ZNF804A: variants seen among roughly 807,000 people sequenced by gnomAD.
ZNF804A encodes the protein zinc finger protein 804A.
A neutral mutation model predicts 16.5 loss-of-function variants in ZNF804A; 2 were observed. The observed-to-expected ratio is 0.12, with a 90% CI of 0.05 to 0.38. The LOEUF is 0.38. ZNF804A is among the 10% of genes least tolerant of loss of function. The pLI is 0.99. For synonymous variants in ZNF804A, 534 were observed against 489.6 expected, an observed-to-expected ratio of 1.09 and a Z score of -1.20; for missense variants, 1,473 against 1,390.7, an observed-to-expected ratio of 1.06 and a Z score of -0.94.
At chr2:184,706,457 AACTT>A (rs1185008980) in intron 1 of ZNF804A, among the ~76,000 whole-genome samples, 5 of 152,188 alleles carry the variant, frequency 3.3e-5, no homozygotes, top group Admixed American at 6.5e-5. Context: ...TTCATCATGT[AACTT>A]ACTTGTTAGT....
At chr2:184,705,975 CT>C (rs1157465004) in intron 1 of ZNF804A, among the ~76,000 whole-genome samples, 5 of 152,102 alleles carry the variant, frequency 3.3e-5, no homozygotes, top group African/African-American at 9.7e-5. Flanking sequence ...CTGCTATTCA[CT>C]TGATTATTAA....
intron 1 of ZNF804A, among the ~76,000 whole-genome samples, chr2:184,804,761 T>A (rs1694777965): frequency 6.6e-6 from 1 of 151,932 alleles, no homozygotes; most frequent in Non-Finnish European, 1.5e-5. Context: ...ACTCAGAAAA[T>A]CTATGGGGAA....
At chr2:184,899,539 T>C (rs935474861) in intron 2 of ZNF804A, among the ~76,000 whole-genome samples, 4 of 151,978 alleles carry the variant, frequency 2.6e-5, no homozygotes, top group African/African-American at 9.7e-5. Context: ...TTTTTCTAAG[T>C]AGAAAATGTT....
At chr2:184,870,301 G>A (rs1695956070) in intron 2 of ZNF804A, among the ~76,000 whole-genome samples, 1 of 151,926 alleles carries the variant, frequency 6.6e-6, no homozygotes, top group African/African-American at 2.4e-5. Flanking sequence ...TGACACTCAG[G>A]ATAGTGGTTA....
At chr2:184,836,283 A>G (rs1408890107) in intron 1 of ZNF804A, among the ~76,000 whole-genome samples, 1 of 152,106 alleles carries the variant, frequency 6.6e-6, no homozygotes, top group Admixed American at 6.6e-5. Flanking sequence ...GCCTGTTACT[A>G]AAAGCAAGCA....
intron 1 of ZNF804A, among the ~76,000 whole-genome samples, chr2:184,758,221 G>T (rs1002931850): frequency 7.2e-5 from 11 of 151,852 alleles, no homozygotes; most frequent in Non-Finnish European, 1.2e-4. Context: ...ATATTTATTA[G>T]TTTTATGACA....
intron 2 of ZNF804A, among the ~76,000 whole-genome samples, chr2:184,878,611 C>T (rs1684754493): frequency 6.6e-6 from 1 of 151,990 alleles, no homozygotes; most frequent in African/African-American, 2.4e-5. Flanking sequence ...TCTCAAAAAA[C>T]TTGTCAGTAA....
intron 1 of ZNF804A, among the ~76,000 whole-genome samples, chr2:184,747,550 C>T (rs1035998775): frequency 1.0e-4 from 15 of 150,618 alleles, no homozygotes; most frequent in African/African-American, 2.7e-4. Context: ...TTAATATAAG[C>T]GGAAATAAAA....
At chr2:184,611,899 G>A (rs1574130885) in intron 1 of ZNF804A, among the ~76,000 whole-genome samples, 1 of 152,284 alleles carries the variant, frequency 6.6e-6, no homozygotes, top group African/African-American at 2.4e-5. Context: ...TTAGTCACAT[G>A]TGATACATGG....
intron 1 of ZNF804A, among the ~76,000 whole-genome samples, chr2:184,787,503 T>C (rs1439645784): frequency 6.9e-6 from 1 of 145,000 alleles, no homozygotes; most frequent in Non-Finnish European, 1.5e-5. Context: ...TTTCTCTGCA[T>C]ACCCACCAAC....
chr2:184,926,879 A>G (rs1219401637), intron 2 of ZNF804A, among the ~76,000 whole-genome samples: 1 of 152,132 alleles, frequency 6.6e-6, no homozygotes, highest in African/African-American at 2.4e-5. Flanking sequence ...TCTTTGTTAA[A>G]TTTAGCTTGT....
chr2:184,789,065 C>T (rs761088801), intron 1 of ZNF804A, among the ~76,000 whole-genome samples: 52 of 152,002 alleles, frequency 3.4e-4, no homozygotes, highest in Admixed American at 1.4e-3. Flanking sequence ...TGGATGTTAT[C>T]GAATGGTTTT....
At chr2:184,734,403 A>G (rs1374374699) in intron 1 of ZNF804A, among the ~76,000 whole-genome samples, 1 of 152,214 alleles carries the variant, frequency 6.6e-6, no homozygotes, top group Non-Finnish European at 1.5e-5. Flanking sequence ...AAAAATTCTC[A>G]TGAAATATCT....
chr2:184,938,358 C>T lies in ZNF804A; in HGVS notation c.2962C>T (p.Pro988Ser). 1 of 1,614,108 alleles carries T rather than the reference C, an allele frequency of 6.2e-7. No individual in the cohort carries two copies. The highest frequency in any genetic ancestry group is 8.5e-7 in the Non-Finnish European group (1 of 1,180,016). Residue 988 changes from proline to serine, a missense_variant, in exon 4 of 4, where the codon CCA becomes TCA. Coordinates refer to ENST00000302277, the MANE Select transcript of ZNF804A (RefSeq NM_194250.2). ...ALPQGKMNET[P>S]TEWLRYNSGI... The stretch of plus-strand genomic sequence containing the variant: ...TCCACAAGGAAAGATGAATGAGACA[C>T]CAACTGAGTGGCTGCGTTATAATTC...
chr2:184,652,387 G>A (rs899306526), intron 1 of ZNF804A, among the ~76,000 whole-genome samples: 3 of 151,906 alleles, frequency 2.0e-5, no homozygotes, highest in African/African-American at 7.3e-5. Flanking sequence ...CCTCAGCAAT[G>A]TACCTAGGTA....
chr2:184,858,791 T>A (rs1305307626), intron 1 of ZNF804A, among the ~76,000 whole-genome samples: 2 of 152,222 alleles, frequency 1.3e-5, no homozygotes, highest in Non-Finnish European at 2.9e-5. Context: ...CACTTTCATA[T>A]GTTTCATGTT....
At chr2:184,901,699 A>C (rs1471749618) in intron 2 of ZNF804A, among the ~76,000 whole-genome samples, 1 of 152,130 alleles carries the variant, frequency 6.6e-6, no homozygotes. Context: ...TCTAAATATT[A>C]TTGTAAATTC....
chr2:184,722,944 A>G (rs2105743315), intron 1 of ZNF804A, among the ~76,000 whole-genome samples: 1 of 152,100 alleles, frequency 6.6e-6, no homozygotes, highest in Non-Finnish European at 1.5e-5. Flanking sequence ...CATTCAAAAC[A>G]GTGTTACTTT....
chr2:184,821,791 C>T (rs1179084377), intron 1 of ZNF804A, among the ~76,000 whole-genome samples: 5 of 151,944 alleles, frequency 3.3e-5, no homozygotes, highest in Non-Finnish European at 5.9e-5. Context: ...GACATTTATG[C>T]GGCCAACAAA....
Sources: allele counts gnomAD v4.1 joint callset (sites outside exome capture counted in the v4.1 genomes callset), GRCh38; gene constraint gnomAD v4.1.1; transcripts MANE v1.5; gene names NCBI Gene and HGNC (gene_info 2026-07-23, HGNC 2026-07-21).